The following FHL2 variants were observed in gnomAD, a reference collection of about 807,000 sequenced individuals.
The protein encoded by FHL2 is four and a half LIM domains 2.
Under a neutral mutation model 32.7 loss-of-function variants are expected in FHL2, and 20 were observed. The observed-to-expected ratio is 0.61, with a 90% confidence interval of 0.43 to 0.89. The LOEUF (loss-of-function observed/expected upper bound fraction) is 0.89, where lower values mean the gene tolerates loss of function less well. Ranked by LOEUF, FHL2 falls within the 40% of genes least tolerant of loss-of-function variation. FHL2 has a pLI of 0.00. For missense variants in FHL2, 311 were observed against 358.6 expected (o/e 0.87, Z 1.07); for synonymous variants, 123 against 128.1 (o/e 0.96, Z 0.27).
At chr2:105,370,374 C>CAA (rs57298525) in intron 4 of FHL2, among the ~76,000 whole-genome samples, 27 of 139,992 alleles carry the variant, frequency 1.9e-4, no homozygotes, top group East Asian at 4.1e-4. Context: ...GATCCTGGCT[C>CAA]AAAAAAAAAA....
At chr2:105,383,907 C>A (rs1230388987) in intron 3 of FHL2, among the ~76,000 whole-genome samples, 1 of 152,204 alleles carries the variant, frequency 6.6e-6, no homozygotes, top group Non-Finnish European at 1.5e-5. Context: ...TGTAACCCCA[C>A]GTATCTCAAA....
intron 2 of FHL2, among the ~76,000 whole-genome samples, chr2:105,393,048 C>A (rs1332191254): frequency 6.6e-6 from 1 of 151,890 alleles, no homozygotes; most frequent in African/African-American, 2.4e-5. Flanking sequence ...TGACAGACAG[C>A]CTCCCTTGGC....
intron 1 of FHL2, among the ~76,000 whole-genome samples, chr2:105,426,477 C>T (rs1199463941): frequency 6.6e-6 from 1 of 152,198 alleles, no homozygotes; most frequent in Non-Finnish European, 1.5e-5. Context: ...TTTATCTCTC[C>T]TTCCAGACAT....
downstream of FHL2, chr2:105,359,062 A>G (rs900402194): frequency 1.3e-5 from 2 of 152,208 alleles, no homozygotes; most frequent in South Asian, 2.1e-4. Context: ...CCAAGTGTCT[A>G]CTGCCCTCCA....
chr2:105,371,454 G>A (rs1266832145), intron 4 of FHL2, among the ~76,000 whole-genome samples: 1 of 151,858 alleles, frequency 6.6e-6, no homozygotes, highest in Non-Finnish European at 1.5e-5. Context: ...TGGAACTGCA[G>A]TATCATCTCT....
At chr2:105,388,089 C>T (rs556557271) in intron 2 of FHL2, among the ~76,000 whole-genome samples, 2 of 152,220 alleles carry the variant, frequency 1.3e-5, no homozygotes, top group African/African-American at 2.4e-5. Flanking sequence ...AAACAACAGA[C>T]GCTGGGGTCT....
chr2:105,369,221 G>GC (rs1300987473), intron 4 of FHL2, among the ~76,000 whole-genome samples: 16 of 152,310 alleles, frequency 1.1e-4, no homozygotes, highest in African/African-American at 3.8e-4. Context: ...CAGAGGGACT[G>GC]CCCCGCTCCA....
intron 2 of FHL2, among the ~76,000 whole-genome samples, chr2:105,389,553 T>C (rs1274888149): frequency 6.6e-6 from 1 of 152,234 alleles, no homozygotes; most frequent in Non-Finnish European, 1.5e-5. Flanking sequence ...ATTGCGGAAT[T>C]GTAAAAGCTG....
At chr2:105,371,520 A>G (rs1681060832) in intron 4 of FHL2, among the ~76,000 whole-genome samples, 1 of 149,914 alleles carries the variant, frequency 6.7e-6, no homozygotes, top group Non-Finnish European at 1.5e-5. Flanking sequence ...TACCGCCTCC[A>G]CAATCTCATG....
rs181252165 is a variant in FHL2, at chr2:105,426,162, C to A, written c.-25+12237G>T. ...TCTATCTTGCATGCAAGCTTTTACC[C>A]GGTGCATTTGTCAAAGTGCTCTTAG... On this transcript the variant is annotated intron_variant, in intron 1 of 5. Coordinates refer to the FHL2 transcript ENST00000393352. Among the ~76,000 whole-genome samples the A allele has an allele frequency of 2.2e-3, 341 of 152,198 alleles. 3 individuals are homozygous for A. The highest frequency in any genetic ancestry group is 1.7e-3 in the South Asian group (8 of 4,814).
At chr2:105,390,395 G>A (rs1172419824) in intron 2 of FHL2, among the ~76,000 whole-genome samples, 1 of 152,180 alleles carries the variant, frequency 6.6e-6, no homozygotes, top group East Asian at 1.9e-4. Flanking sequence ...AGGAACAGTA[G>A]CAGCTGCTAT....
chr2:105,432,323 A>C (rs1684460776), intron 1 of FHL2, among the ~76,000 whole-genome samples: 1 of 152,130 alleles, frequency 6.6e-6, no homozygotes, highest in Admixed American at 6.5e-5. Context: ...TCTCAGCTTT[A>C]TGTCTTACAC....
intron 4 of FHL2, among the ~76,000 whole-genome samples, chr2:105,367,999 C>T (rs886663312): frequency 1.2e-4 from 18 of 152,100 alleles, no homozygotes; most frequent in Non-Finnish European, 2.2e-4. Context: ...TATTGAATAC[C>T]GTGGTTAGGA....
upstream of FHL2, among the ~76,000 whole-genome samples, chr2:105,401,062 TTC>T (rs1388722198): frequency 7.8e-5 from 9 of 115,770 alleles, no homozygotes; most frequent in African/African-American, 3.0e-4. Context: ...TCTTATTGGA[TTC>T]TTTTTTTTTT....
At chr2:105,403,336 C>G (rs1279745830), upstream of FHL2, among the ~76,000 whole-genome samples, 2 of 152,196 alleles carry the variant, frequency 1.3e-5, no homozygotes, top group Non-Finnish European at 1.5e-5. Context: ...AAAATAAAAA[C>G]AAAAAGTACT....
chr2:105,385,017 G>T (rs752580073), intron 3 of FHL2, among the ~76,000 whole-genome samples: 1 of 152,228 alleles, frequency 6.6e-6, no homozygotes, highest in Non-Finnish European at 1.5e-5. Flanking sequence ...ACAGGATACA[G>T]GAAGATACAC....
At chr2:105,399,636 T>C, upstream of FHL2, 4 of 1,505,716 alleles carry the variant, frequency 2.7e-6, no homozygotes, top group Middle Eastern at 2.0e-4. Flanking sequence ...TTAGACATCT[T>C]GGATTCCCCT....
intron 2 of FHL2, among the ~76,000 whole-genome samples, chr2:105,393,460 G>A (rs1189240521): frequency 6.6e-6 from 1 of 152,136 alleles, no homozygotes; most frequent in African/African-American, 2.4e-5. Flanking sequence ...AGACAATTAG[G>A]AAAACTGGTC....
chr2:105,372,106 G>T (rs1681119368), intron 4 of FHL2, among the ~76,000 whole-genome samples: 1 of 152,226 alleles, frequency 6.6e-6, no homozygotes, highest in South Asian at 2.1e-4. Context: ...CTGTCATAGT[G>T]TGTCACAGTT....
Sources: gnomAD v4.1 joint callset for allele counts (sites outside exome capture counted in the v4.1 genomes callset) on GRCh38, gnomAD v4.1.1 for gene constraint, MANE v1.5 for transcripts, NCBI Gene and HGNC (gene_info 2026-07-23, HGNC 2026-07-21) for gene names.